Variants in EXOSC10 observed in about 807,000 individuals in gnomAD.
EXOSC10 encodes exosome component 10.
A neutral mutation model predicts 126.6 loss-of-function variants in EXOSC10; 94 were observed. The ratio of observed to expected loss-of-function variants is 0.74; its 90% confidence interval spans 0.63 to 0.88. The LOEUF (loss-of-function observed/expected upper bound fraction) is 0.88. EXOSC10 is among the 40% of genes least tolerant of loss of function. The probability of loss-of-function intolerance (pLI) is 0.00; values close to 1 mark genes in which losing one functional copy is unlikely to be tolerated. For synonymous variants in EXOSC10, 395 were observed against 400.8 expected (o/e 0.99, Z 0.17); for missense variants, 1,041 against 1,100.5 (o/e 0.95, Z 0.77).
chr1:11,077,905 ACT>A (rs1329729853), intron 14 of EXOSC10, among the ~76,000 whole-genome samples: 1 of 152,024 alleles, frequency 6.6e-6, no homozygotes, highest in African/African-American at 2.4e-5. Context: ...CTTGAAAAAG[ACT>A]CTTCTCTAGT....
Position 11,091,019 on chromosome 1 carries a change from G to A in EXOSC10, c.638C>T (p.Pro213Leu), listed in dbSNP as rs1640773758. 6.2e-7 allele frequency: 1 copy of A among 1,613,732 alleles called. No individual in the cohort carries two copies. The highest frequency in any genetic ancestry group is 8.5e-7 in the Non-Finnish European group (1 of 1,179,868). Residue 213 changes from proline to leucine, a missense_variant, in exon 5 of 25, where the codon CCT (proline) becomes CTT (leucine). This residue lies in a region of EXOSC10 where 645 missense variants were observed against 656.3 expected (regional missense o/e 0.98). Transcript: ENST00000376936. ...GCAAAGTATGCACTATTTACCTTGA[G>A]GGAGAGGTTTCTGAGCATTGGGTTT... ...FIKPNAQKPL[P>L]QALSKERRER...
chr1:11,080,985 C>G, intron 11 of EXOSC10, 73 bp from the exon 12 acceptor site: 2 of 1,574,896 alleles, frequency 1.3e-6, no homozygotes, highest in Non-Finnish European at 1.7e-6. Context: ...AAATGTTTGG[C>G]TCTTTTCATG....
chr1:11,067,938 C>T (rs1639204845), intron 24 of EXOSC10, 70 bp downstream of exon 24: 28 of 1,377,494 alleles, frequency 2.0e-5, no homozygotes, highest in South Asian at 7.2e-5. Flanking sequence ...CTACTCCCCA[C>T]GGACCACACC....
intron 12 of EXOSC10, 106 bp downstream of exon 12, chr1:11,080,658 G>C: frequency 6.9e-6 from 11 of 1,602,870 alleles, no homozygotes; most frequent in Non-Finnish European, 8.5e-6. Context: ...CTGTCACATA[G>C]GGGAAATAAC....
rs554897877 is a variant in EXOSC10 at position 11,071,043 on chromosome 1, C to T, written c.2243-70G>A. ...CCACCCTCCCCTCCATCTCCATCCC[C>T]CTCCGACTTGGCCTAGCCACAGGGG... is the stretch of plus-strand genomic sequence containing the variant. On this transcript the variant is annotated intron_variant, in intron 20 of 24. Transcript: ENST00000376936. The T allele has an allele frequency of 6.2e-4, 898 of 1,456,522 alleles. 2 individuals carry two copies. The highest frequency in any genetic ancestry group is 6.5e-4 in the Non-Finnish European group (681 of 1,049,918). 90.2% of individuals were successfully genotyped at this position (1,456,522 alleles called of 1,614,324 possible). A position where few individuals can be genotyped will look rare whatever the true frequency, so the allele number is the denominator to read the frequency against.
intron 9 of EXOSC10, 114 bp downstream of exon 9, chr1:11,087,334 G>T: frequency 8.0e-7 from 1 of 1,256,770 alleles, no homozygotes; most frequent in Non-Finnish European, 1.1e-6. Context: ...GTTAGGAAAT[G>T]ACATGATTCC....
At chr1:11,077,992 G>C (rs1639913478) in intron 14 of EXOSC10, among the ~76,000 whole-genome samples, 1 of 152,118 alleles carries the variant, frequency 6.6e-6, no homozygotes, top group Non-Finnish European at 1.5e-5. Flanking sequence ...TGCAAATGTG[G>C]GGCTGGCAGG....
intron 6 of EXOSC10, among the ~76,000 whole-genome samples, chr1:11,088,925 A>G (rs1640645155): frequency 6.6e-6 from 1 of 152,224 alleles, no homozygotes. Context: ...TACTAAATTC[A>G]TAAATGAGCC....
intron 17 of EXOSC10, 43 bp from the exon 18 acceptor site, chr1:11,074,369 T>C (rs772815839): frequency 1.5e-6 from 2 of 1,365,710 alleles, no homozygotes; most frequent in South Asian, 1.2e-5. Flanking sequence ...ACCATGATCA[T>C]CTGTGACATC....
intron 1 of EXOSC10, among the ~76,000 whole-genome samples, chr1:11,099,461 A>G (rs533242877): frequency 4.8e-4 from 73 of 152,334 alleles, no homozygotes; most frequent in Middle Eastern, 3.4e-3. Flanking sequence ...GTGGCAAGGA[A>G]GCCTTTCCCA....
chr1:11,081,353 A>G, intron 10 of EXOSC10, 115 bp from the exon 11 acceptor site: 1 of 1,157,952 alleles, frequency 8.6e-7, no homozygotes, highest in Non-Finnish European at 1.2e-6. Context: ...AGATCCTTTC[A>G]TAGTCAATAC....
chr1:11,094,230 G>A lies in EXOSC10; in HGVS notation c.372+1528C>T, dbSNP rs150501729. Among the ~76,000 whole-genome samples, 1,217 of 151,978 alleles carry A rather than the reference G, an allele frequency of 8.0e-3. 25 individuals are homozygous for A. The highest frequency in any genetic ancestry group is 0.028 in the African/African-American group (1,145 of 41,444). On this transcript the variant is annotated intron_variant, in intron 3 of 24. Transcript: ENST00000376936. The stretch of plus-strand genomic sequence containing the variant: ...TGAGCTCAAGCAATCCTCTTACCTC[G>A]GCCTCCTACAGTGCTAGGATTACAG...
intron 17 of EXOSC10, among the ~76,000 whole-genome samples, chr1:11,076,073 G>A (rs1455583632): frequency 1.3e-5 from 2 of 151,666 alleles, no homozygotes; most frequent in Non-Finnish European, 2.9e-5. Flanking sequence ...GCTGAGGCAG[G>A]AGAATCGCTT....
chr1:11,099,163 C>T, intron 1 of EXOSC10, among the ~76,000 whole-genome samples: 1 of 152,218 alleles, frequency 6.6e-6, no homozygotes, highest in African/African-American at 2.4e-5. Flanking sequence ...TGTACGTTTG[C>T]TCATATTTAA....
chr1:11,083,364 C>T (rs1369208992), intron 9 of EXOSC10, among the ~76,000 whole-genome samples: 2 of 151,920 alleles, frequency 1.3e-5, no homozygotes, highest in South Asian at 2.1e-4. Flanking sequence ...GAGTTTGAGA[C>T]CAGCCTGACC....
rs1639440219 is a variant in EXOSC10, at chr1:11,070,829, T to C, written c.2316+71A>G. The C allele has an allele frequency of 1.4e-5, 19 of 1,378,210 alleles. No homozygotes were observed. In the South Asian group the frequency reaches 1.9e-4, roughly 13 times the overall value. The allele number at this position is 1,378,210 out of a possible 1,614,324, so 85.4% of individuals were successfully genotyped here. On this transcript the variant is annotated intron_variant, in intron 21 of 24. Transcript: ENST00000376936. The stretch of plus-strand genomic sequence containing the variant: ...AGCACAGGGCAAGCCCCCTAAGATA[T>C]CCAAGGAAGATCCTGACCACAAGCA...
chr1:11,092,372 G>A (rs568439934), intron 3 of EXOSC10, among the ~76,000 whole-genome samples: 38 of 151,870 alleles, frequency 2.5e-4, no homozygotes, highest in African/African-American at 8.7e-4. Flanking sequence ...GCACCACCAC[G>A]CCCAGCTAAT....
chr1:11,076,038 G>A (rs542513403), intron 17 of EXOSC10, among the ~76,000 whole-genome samples: 11 of 151,720 alleles, frequency 7.3e-5, no homozygotes, highest in South Asian at 2.1e-4. Flanking sequence ...GGTGGCGGGC[G>A]CCTGCAATCC....
chr1:11,069,840 C>T (rs1639354852), intron 21 of EXOSC10, 110 bp from the exon 22 acceptor site: 1 of 1,175,738 alleles, frequency 8.5e-7, no homozygotes, highest in African/African-American at 1.5e-5. Context: ...GTAAGAAGAA[C>T]AGTCAGTGGT....
Sources: allele counts gnomAD v4.1 joint callset (sites outside exome capture counted in the v4.1 genomes callset), GRCh38; gene constraint gnomAD v4.1.1; regional missense constraint gnomAD v4.1.1; transcripts MANE v1.5; gene names NCBI Gene and HGNC (gene_info 2026-07-23, HGNC 2026-07-21).